MAPKBP1: variants seen among roughly 807,000 people sequenced by gnomAD.
MAPKBP1 encodes the protein mitogen-activated protein kinase-binding protein 1.
A neutral mutation model predicts 170.5 loss-of-function variants in MAPKBP1; 71 were observed. That is an observed-to-expected ratio of 0.42 (90% CI 0.34 to 0.51). The LOEUF is 0.51. Ranked by LOEUF, MAPKBP1 falls within the 20% of genes least tolerant of loss-of-function variation. The probability of loss-of-function intolerance (pLI) is 0.06; values close to 1 mark genes in which losing one functional copy is unlikely to be tolerated. For synonymous variants in MAPKBP1, 719 were observed against 757.9 expected (o/e 0.95, Z 0.84); for missense variants, 1,598 against 1,933.0 (o/e 0.83, Z 3.25).
At chr15:41,804,304 T>G (rs912039950) in intron 3 of MAPKBP1, among the ~76,000 whole-genome samples, 1 of 152,246 alleles carries the variant, frequency 6.6e-6, no homozygotes, top group Non-Finnish European at 1.5e-5. Context: ...GTTTAATGGC[T>G]GCAGTAAGGG....
chr15:41,811,165 C>G lies in MAPKBP1; in HGVS notation c.270-13C>G, dbSNP rs1374649327. On this transcript the variant is annotated splice_polypyrimidine_tract_variant and intron_variant, in intron 4 of 30. Transcript: ENST00000457542. ...CTGCCAGTGCCCCTCTGAGCCTGCC[C>G]CATCTCTTGCAGGAAAACCATCACT... The G allele has an allele frequency of 1.9e-6, 3 of 1,614,152 alleles. No homozygotes were observed. The South Asian group carries it at 3.3e-5, about 18-fold the overall frequency.
At position 41,821,676 on chromosome 15, in the gene MAPKBP1, A is replaced by G. The variant is rs139818532; in HGVS notation, c.2811A>G (p.Gln937=). 6 of 1,614,038 alleles carry G rather than the reference A, an allele frequency of 3.7e-6. No homozygotes were observed. The African/African-American group carries it at 8.0e-5, about 22-fold the overall frequency. Residue 937 remains glutamine, a synonymous_variant, in exon 24 of 31, where the codon CAA becomes CAG. Transcript: ENST00000457542. ...CACAAGAGGAAGGGGTCTTTGCCCA[A>G]GATCTGGAACCTGCACCCATTGAAG... ...LLSQEEGVFA[Q]DLEPAPIEDG...
intron 24 of MAPKBP1, 47 bp from the exon 25 acceptor site, chr15:41,821,918 C>G (rs747375903): frequency 4.4e-5 from 71 of 1,596,444 alleles, no homozygotes; most frequent in Non-Finnish European, 2.1e-5. Context: ...GGGCTGCTGC[C>G]TACCCCTGCT....
chr15:41,778,180 A>C (rs1426029752), intron 2 of MAPKBP1, among the ~76,000 whole-genome samples: 1 of 152,226 alleles, frequency 6.6e-6, no homozygotes, highest in Non-Finnish European at 1.5e-5. Context: ...TAAAAAAAAT[A>C]AATGAGACTA....
At chr15:41,822,701 G>C in intron 27 of MAPKBP1, 24 bp downstream of exon 27, 1 of 1,612,960 alleles carries the variant, frequency 6.2e-7, no homozygotes, top group South Asian at 1.1e-5. Flanking sequence ...CTACCCCCCA[G>C]CAGCAGCTCT....
intron 27 of MAPKBP1, 75 bp downstream of exon 27, chr15:41,822,752 A>G: frequency 1.3e-6 from 2 of 1,559,718 alleles, no homozygotes; most frequent in Non-Finnish European, 1.8e-6. Context: ...TCTCCTCTCC[A>G]GTGTTCTGTC....
intron 2 of MAPKBP1, among the ~76,000 whole-genome samples, chr15:41,777,022 G>A (rs1449091168): frequency 1.3e-5 from 2 of 152,250 alleles, no homozygotes; most frequent in Non-Finnish European, 2.9e-5. Context: ...CAGGGGAGGC[G>A]ACCTAAGTCA....
chr15:41,783,562 A>G (rs571218942), intron 2 of MAPKBP1, among the ~76,000 whole-genome samples: 56 of 152,264 alleles, frequency 3.7e-4, no homozygotes, highest in Admixed American at 2.8e-3. Context: ...TCAAATAGGC[A>G]TTGTGATAAC....
Position 41,814,605 on chromosome 15 carries a change from T to G in MAPKBP1, c.1036T>G (p.Phe346Val), listed in dbSNP as rs1186142358. ...ARYPDTIALTFDPTNQWLSCV... is the reference protein window; with the variant it reads ...ARYPDTIALTVDPTNQWLSCV... ...GTATCCAGACACCATTGCCTTGACC[T>G]TTGATCCTACTAATCAGTGGCTGTC... The change falls in exon 10 of 31, where the codon TTT becomes GTT. Residue 346 changes from phenylalanine to valine, a missense_variant. Phe to Val is a conservative substitution (Grantham distance 50). This residue lies in a region of MAPKBP1 where 430 missense variants were observed against 617.2 expected (regional missense o/e 0.70). Transcript: ENST00000457542. The G allele has an allele frequency of 1.2e-6, 2 of 1,614,202 alleles. No individual in the cohort carries two copies. The highest frequency in any genetic ancestry group is 1.7e-5 in the Admixed American group (1 of 60,032).
At chr15:41,819,216 T>C (rs1265907138) in intron 20 of MAPKBP1, 30 bp from the exon 21 acceptor site, 2 of 1,609,050 alleles carry the variant, frequency 1.2e-6, no homozygotes, top group Non-Finnish European at 1.7e-6. Context: ...GAGTCTCCTC[T>C]CCCCATGCCC....
At position 41,817,475 on chromosome 15, in the gene MAPKBP1, T is replaced by C; in HGVS notation, c.1782+17T>C. 6.2e-7 allele frequency: 1 copy of C among 1,613,720 alleles called. No homozygotes were observed. Among genetic ancestry groups the C allele is most frequent in the Non-Finnish European group, 8.5e-7 (1 of 1,179,654 alleles). ...GCGCAGAAGGTGAGGGCGCTGGGCT[T>C]TCCTGAGAGGGGCGGGACAGGGCGG... is the stretch of plus-strand genomic sequence containing the variant. On this transcript the variant is annotated intron_variant, in intron 15 of 30. Transcript: ENST00000457542. This position sits in a 1 kb window ranked among gnomAD's most constrained non-coding sequence, Gnocchi z 4.2.
chr15:41,818,138 G>A lies in MAPKBP1; in HGVS notation c.1980+54G>A. 6.2e-7 allele frequency: 1 copy of A among 1,610,218 alleles called. No homozygotes were observed. The highest frequency in any genetic ancestry group is 8.5e-7 in the Non-Finnish European group (1 of 1,176,458). ...GGGCTCGGGGACAGAGTGGTGCTGG[G>A]TGGGAGGGACTGGTACTTCCCATGT... On this transcript the variant is annotated intron_variant, in intron 17 of 30. Transcript: ENST00000457542. The surrounding 1 kb of genome is among the most constrained non-coding windows in gnomAD (Gnocchi z 5.2).
chr15:41,825,995 G>C lies in MAPKBP1; in HGVS notation c.*559G>C, dbSNP rs1186033482. 6.5e-6 allele frequency: 1 copy of C among 152,808 alleles called. No homozygotes were observed. The highest frequency in any genetic ancestry group is 1.5e-5 in the Non-Finnish European group (1 of 68,190). 9.5% of individuals were successfully genotyped at this position (152,808 alleles called of 1,614,324 possible). On this transcript the variant is annotated 3_prime_UTR_variant, in exon 31 of 31. Transcript: ENST00000457542. Reference sequence around the variant, plus strand: ...AAAGGCAGAGCCATCTGGCCCTCCAGGGTGTCCCCAGCCATCAGGAGACTT... The same window carrying C: ...AAAGGCAGAGCCATCTGGCCCTCCACGGTGTCCCCAGCCATCAGGAGACTT...
At chr15:41,788,338 T>C (rs2064336517) in intron 2 of MAPKBP1, among the ~76,000 whole-genome samples, 1 of 152,210 alleles carries the variant, frequency 6.6e-6, no homozygotes, top group African/African-American at 2.4e-5. Context: ...TGCCCTGTGC[T>C]ATAAGCATAC....
intron 12 of MAPKBP1, 80 bp downstream of exon 12, chr15:41,815,879 C>A: frequency 6.9e-7 from 1 of 1,446,162 alleles, no homozygotes; most frequent in South Asian, 1.4e-5. Context: ...GAGGGTTTGG[C>A]TCAAAAAGAT....
rs1457962789 is a variant in MAPKBP1, at chr15:41,818,267, C to T, written c.2054C>T (p.Ser685Phe). 2 of 1,614,024 alleles carry T rather than the reference C, an allele frequency of 1.2e-6. No homozygotes were observed. The highest frequency in any genetic ancestry group is 1.7e-5 in the Admixed American group (1 of 60,010). ...AAGAATCTCTCCATTTTTGACTTCT[C>T]CTCAGGCGAGTGCGTGGCCACCATG... ...SDKNLSIFDF[S>F]SGECVATMFG... The change falls in exon 18 of 31, where the codon TCC (serine) becomes TTC (phenylalanine). Residue 685 changes from serine (S) to phenylalanine (F), a missense_variant. This residue lies in a region of MAPKBP1 where 63 missense variants were observed against 115.2 expected (regional missense o/e 0.55). Coordinates refer to ENST00000457542, the MANE Select transcript of MAPKBP1 (RefSeq NM_014994.3). The surrounding 1 kb of genome is among the most constrained non-coding windows in gnomAD (Gnocchi z 5.2).
At position 41,817,704 on chromosome 15, in the gene MAPKBP1, A is replaced by G; in HGVS notation, c.1873A>G (p.Thr625Ala). 13 of 1,614,096 alleles carry G rather than the reference A, an allele frequency of 8.1e-6. No individual in the cohort carries two copies. The highest frequency in any genetic ancestry group is 1.1e-5 in the Non-Finnish European group (13 of 1,180,000). ...GGATGTGGAGCCCAGCTGGAAGTAC[A>G]CGGCTATCGGCTGCCAGGACCGAAA... ...DMDVEPSWKYTAIGCQDRNIR... is the reference protein window; with the variant it reads ...DMDVEPSWKYAAIGCQDRNIR... The change falls in exon 16 of 31, where the codon ACG (threonine) becomes GCG (alanine). Residue 625 changes from threonine to alanine, a missense_variant. Thr to Ala is a moderately conservative substitution (Grantham distance 58). Transcript: ENST00000457542. This position sits in a 1 kb window ranked among gnomAD's most constrained non-coding sequence, Gnocchi z 4.2.
intron 6 of MAPKBP1, 83 bp downstream of exon 6, chr15:41,812,210 G>A (rs533082286): frequency 1.3e-6 from 2 of 1,527,534 alleles, no homozygotes; most frequent in South Asian, 1.2e-5. Context: ...GACCTGCACT[G>A]CTCCATTCCA....
Position 41,774,530 on chromosome 15 carries a change from G to C in MAPKBP1, c.-190G>C, listed in dbSNP as rs1475204411. ...CTCCTGCTGCTGCCTCTACCGCTGC[G>C]GCTACCGCGGCGGAGCTGAAATTGC... On this transcript the variant is annotated 5_prime_UTR_variant, in exon 1 of 31. Transcript: ENST00000457542. The C allele has an allele frequency of 1.5e-5, 6 of 398,508 alleles. No individual in the cohort carries two copies. The Admixed American group carries it at 2.2e-4, about 15-fold the overall frequency. The allele number at this position is 398,508 out of a possible 1,614,324, so 24.7% of individuals were successfully genotyped here. A position where few individuals can be genotyped will look rare whatever the true frequency, so the allele number is the denominator to read the frequency against.
Sources: gnomAD v4.1 joint callset for allele counts (sites outside exome capture counted in the v4.1 genomes callset) on GRCh38, gnomAD v4.1.1 for gene constraint, gnomAD v4.1.1 regional missense constraint, Gnocchi (gnomAD v3.1) non-coding constraint, MANE v1.5 for transcripts, NCBI Gene and HGNC (gene_info 2026-07-23, HGNC 2026-07-21) for gene names.